LARP4B: variants seen among roughly 807,000 people sequenced by gnomAD.
The protein encoded by LARP4B is La ribonucleoprotein 4B, also known as la-related protein 4B.
Under a neutral mutation model 89.8 loss-of-function variants are expected in LARP4B, and 12 were observed. The ratio of observed to expected loss-of-function variants is 0.13; its 90% CI spans 0.09 to 0.22. LARP4B has a LOEUF of 0.22. Among genes scored for constraint, LARP4B ranks in the 10% least tolerant of loss-of-function variants. The pLI is 1.00. For missense variants in LARP4B, 757 were observed against 947.7 expected (o/e 0.80, Z 2.64); for synonymous variants, 367 against 363.3 (o/e 1.01, Z -0.12).
At chr10:850,041 T>C (rs747213840) in intron 5 of LARP4B, among the ~76,000 whole-genome samples, 42 of 142,956 alleles carry the variant, frequency 2.9e-4, no homozygotes, top group Non-Finnish European at 4.7e-4. Flanking sequence ...GATGTATCAC[T>C]ACTGGTTCAG....
At chr10:846,539 C>A (rs1338567887) in intron 5 of LARP4B, among the ~76,000 whole-genome samples, 1 of 152,094 alleles carries the variant, frequency 6.6e-6, no homozygotes, top group Non-Finnish European at 1.5e-5. Context: ...AGTAGGAGGC[C>A]AGCACAGCTG....
intron 11 of LARP4B, among the ~76,000 whole-genome samples, chr10:826,256 T>C (rs116548849): frequency 2.1e-3 from 318 of 152,314 alleles, no homozygotes; most frequent in African/African-American, 7.2e-3. Flanking sequence ...ATACAACTCA[T>C]CAACATTCTC....
the LARP4B span, among the ~76,000 whole-genome samples, chr10:956,016 T>C: frequency 6.7e-6 from 1 of 149,002 alleles, no homozygotes; most frequent in Non-Finnish European, 1.5e-5. The surrounding 1 kb of genome is among the most constrained non-coding windows in gnomAD (Gnocchi z 4.3). Context: ...CCCCAGTGCC[T>C]GCCAGGTGCC....
chr10:928,547 T>C (rs1027652509), intron 1 of LARP4B, among the ~76,000 whole-genome samples: 2 of 152,164 alleles, frequency 1.3e-5, no homozygotes, highest in African/African-American at 2.4e-5. Flanking sequence ...GCACTGTTCA[T>C]TGTAAACACC....
At chr10:823,961 G>T (rs765867) in intron 13 of LARP4B, among the ~76,000 whole-genome samples, 24,745 of 152,148 alleles carry the variant, frequency 0.16, 2,155 homozygotes, top group Non-Finnish European at 0.19. Flanking sequence ...TGTGCTCATT[G>T]AATCATTATG....
chr10:837,966 A>G (rs1833315947), intron 7 of LARP4B, among the ~76,000 whole-genome samples: 1 of 151,682 alleles, frequency 6.6e-6, no homozygotes, highest in Non-Finnish European at 1.5e-5. Context: ...GTACACTTAG[A>G]GAGCATATTT....
the LARP4B span, among the ~76,000 whole-genome samples, chr10:961,564 C>T: frequency 1.3e-5 from 2 of 149,638 alleles, no homozygotes; most frequent in South Asian, 4.2e-4. Context: ...GTGGTGCCAG[C>T]ATCTGCTTCT....
the LARP4B span, among the ~76,000 whole-genome samples, chr10:959,357 CCGTCAATCCCACCTCCT>C: frequency 7.5e-6 from 1 of 132,666 alleles, no homozygotes; most frequent in African/African-American, 3.5e-5. Flanking sequence ...TCCCACCTCC[CCGTCAATCCCACCTCCT>C]CATCAATCCC....
rs145911267 is a variant in LARP4B at position 867,202 on chromosome 10, G to A, written c.142-2932C>T. Among the ~76,000 whole-genome samples, 359 of 152,286 alleles carry A rather than the reference G, an allele frequency of 2.4e-3. 1 individual carries two copies. Among genetic ancestry groups the A allele is most frequent in the South Asian group, 7.3e-3 (35 of 4,814 alleles). ...TGACTGAAGAGATGTCACCAGGAATGAAAGAATGAAGATGTCTTTTAAGGC... is the reference window on the plus strand; with the variant it reads ...TGACTGAAGAGATGTCACCAGGAATAAAAGAATGAAGATGTCTTTTAAGGC... On this transcript the variant is annotated intron_variant, in intron 3 of 17. Coordinates refer to ENST00000316157, the MANE Select transcript of LARP4B (RefSeq NM_015155.3).
chr10:905,043 T>C (rs1015387822), intron 1 of LARP4B, among the ~76,000 whole-genome samples: 20 of 152,332 alleles, frequency 1.3e-4, no homozygotes, highest in African/African-American at 4.8e-4. Flanking sequence ...AAAACAATTC[T>C]GTGTTTAGAC....
At chr10:927,970 T>C (rs1837193088) in intron 1 of LARP4B, among the ~76,000 whole-genome samples, 2 of 151,854 alleles carry the variant, frequency 1.3e-5, no homozygotes, top group African/African-American at 4.8e-5. Context: ...CCCAGCACTT[T>C]GGGAGGCCGA....
chr10:892,761 G>A (rs760746083), intron 1 of LARP4B, among the ~76,000 whole-genome samples: 1 of 151,966 alleles, frequency 6.6e-6, no homozygotes, highest in African/African-American at 2.4e-5. Context: ...GGATGGTCTC[G>A]ATCTCCTGAC....
intron 3 of LARP4B, among the ~76,000 whole-genome samples, chr10:877,702 A>G (rs998577928): frequency 6.6e-6 from 1 of 152,196 alleles, no homozygotes; most frequent in Non-Finnish European, 1.5e-5. Flanking sequence ...GTGTTAGGAG[A>G]GTGCACAGTA....
At chr10:831,087 C>T (rs139289560) in intron 8 of LARP4B, 110 bp from the exon 9 acceptor site, 234 of 503,988 alleles carry the variant, frequency 4.6e-4, no homozygotes, top group Middle Eastern at 2.1e-3. Flanking sequence ...CTTAAACAAA[C>T]GTACCATGAT....
rs912531511 is a variant in LARP4B at position 822,012 on chromosome 10, A to T, written c.1485-1167T>A. Among the ~76,000 whole-genome samples the T allele has an allele frequency of 6.6e-6, 1 of 152,146 alleles. No homozygotes were observed. Among genetic ancestry groups the T allele is most frequent in the African/African-American group, 2.4e-5 (1 of 41,424 alleles). On this transcript the variant is annotated intron_variant, in intron 13 of 17. Transcript: ENST00000316157. This position sits in a 1 kb window ranked among gnomAD's most constrained non-coding sequence, Gnocchi z 4.6. ...GATCCATGCCTGTGGCCTCACAGGG[A>T]GAGAGGGTCCTGGGCCTGCATTATG... is the stretch of plus-strand genomic sequence containing the variant.
At chr10:917,478 C>T (rs1188878416) in intron 1 of LARP4B, among the ~76,000 whole-genome samples, 1 of 152,142 alleles carries the variant, frequency 6.6e-6, no homozygotes, top group Non-Finnish European at 1.5e-5. Context: ...ACTGGAATGG[C>T]GTATTTTAAG....
At chr10:905,668 GCTGAGGAGCAA>G in intron 1 of LARP4B, among the ~76,000 whole-genome samples, 1 of 21,984 alleles carries the variant, frequency 4.5e-5, no homozygotes, top group Non-Finnish European at 1.1e-4. Flanking sequence ...GAGGGGAGGA[GCTGAGGAGCAA>G]GGGAGGAGCT....
chr10:875,405 T>A (rs1835416669), intron 3 of LARP4B, among the ~76,000 whole-genome samples: 1 of 152,176 alleles, frequency 6.6e-6, no homozygotes, highest in African/African-American at 2.4e-5. Context: ...ACCTCTATGA[T>A]CTCGGCTTCT....
chr10:833,127 C>G (rs1339433035), intron 8 of LARP4B, among the ~76,000 whole-genome samples: 3 of 151,704 alleles, frequency 2.0e-5, no homozygotes, highest in Non-Finnish European at 4.4e-5. Context: ...GTTAGAGGGT[C>G]AGCTAAAAAC....
Sources: gnomAD v4.1 joint callset for allele counts (sites outside exome capture counted in the v4.1 genomes callset) on GRCh38, gnomAD v4.1.1 for gene constraint, Gnocchi (gnomAD v3.1) non-coding constraint, MANE v1.5 for transcripts, NCBI Gene and HGNC (gene_info 2026-07-23, HGNC 2026-07-21) for gene names.